The following SNTG1 variants were observed in gnomAD, a reference collection of about 807,000 sequenced individuals.
The protein encoded by SNTG1 is syntrophin gamma 1.
Under a neutral mutation model 74.7 loss-of-function variants are expected in SNTG1, and 39 were observed. The observed-to-expected ratio is 0.52, with a 90% CI of 0.40 to 0.68. The LOEUF (loss-of-function observed/expected upper bound fraction) is 0.68. SNTG1 is among the 30% of genes least tolerant of loss of function. The pLI is 0.00. For synonymous variants in SNTG1, 254 were observed against 217.1 expected, an observed-to-expected ratio of 1.17 and a Z score of -1.49; for missense variants, 685 against 609.5, an observed-to-expected ratio of 1.12 and a Z score of -1.30.
At chr8:50,340,133 T>C (rs570605556) in intron 2 of SNTG1, among the ~76,000 whole-genome samples, 25 of 152,150 alleles carry the variant, frequency 1.6e-4, no homozygotes, top group Admixed American at 9.2e-4. Context: ...ATTGTTAAGA[T>C]GTTGATTTTT....
At chr8:50,788,845 C>T (rs145473414) in intron 18 of SNTG1, among the ~76,000 whole-genome samples, 26 of 152,050 alleles carry the variant, frequency 1.7e-4, no homozygotes, top group African/African-American at 5.5e-4. Context: ...GCCTCATCTC[C>T]TGCGGCCTCA....
chr8:50,578,412 G>A (rs2094588891), intron 12 of SNTG1, among the ~76,000 whole-genome samples: 1 of 53,240 alleles, frequency 1.9e-5, no homozygotes, highest in African/African-American at 9.0e-5. Context: ...AAAGTGAGAG[G>A]ATGAGAGAGA....
At chr8:49,967,041 G>A (rs1478395709) in intron 1 of SNTG1, among the ~76,000 whole-genome samples, 1 of 152,010 alleles carries the variant, frequency 6.6e-6, no homozygotes, top group African/African-American at 2.4e-5. Context: ...CACTCTATTA[G>A]AAAAAATGCC....
rs1230245562 is a variant in SNTG1 at position 50,506,562 on chromosome 8, G to C, written c.466+3682G>C. Among the ~76,000 whole-genome samples the C allele has an allele frequency of 2.6e-5, 4 of 151,702 alleles. 1 individual carries two copies. The highest frequency in any genetic ancestry group is 9.7e-5 in the African/African-American group (4 of 41,370). ...TTCAGTGTAAAGTCTTTAAAATTTT[G>C]GGTGAGATTATTCCTAATTATTCTT... On this transcript the variant is annotated intron_variant, in intron 9 of 18. Coordinates refer to ENST00000642720, the MANE Select transcript of SNTG1 (RefSeq NM_018967.5).
intron 1 of SNTG1, among the ~76,000 whole-genome samples, chr8:49,969,417 A>C: frequency 1.1e-5 from 1 of 90,608 alleles, no homozygotes; most frequent in South Asian, 3.7e-4. Flanking sequence ...TTTTTTTTGA[A>C]ATGGACTCTC....
At chr8:50,446,046 G>A (rs76688981) in intron 5 of SNTG1, among the ~76,000 whole-genome samples, 1 of 152,136 alleles carries the variant, frequency 6.6e-6, no homozygotes, top group Non-Finnish European at 1.5e-5. Context: ...TCAGGTTCAG[G>A]GCGATGGAGG....
chr8:50,160,200 CTA>C (rs1406333978), intron 1 of SNTG1, among the ~76,000 whole-genome samples: 3 of 152,112 alleles, frequency 2.0e-5, no homozygotes, highest in African/African-American at 7.2e-5. Flanking sequence ...GTTGGAAGAA[CTA>C]TTTCTAGATA....
intron 13 of SNTG1, among the ~76,000 whole-genome samples, chr8:50,645,713 G>C (rs1330178340): frequency 6.6e-6 from 1 of 152,094 alleles, no homozygotes; most frequent in African/African-American, 2.4e-5. Flanking sequence ...GAACACTTAG[G>C]CTGCAACCTT....
intron 17 of SNTG1, among the ~76,000 whole-genome samples, chr8:50,719,176 T>C (rs1217351797): frequency 6.6e-6 from 1 of 152,214 alleles, no homozygotes; most frequent in Non-Finnish European, 1.5e-5. Context: ...TTTGCCATGA[T>C]TTGAATGAAT....
chr8:50,443,913 C>T (rs1321076227), intron 5 of SNTG1, among the ~76,000 whole-genome samples: 1 of 151,980 alleles, frequency 6.6e-6, no homozygotes. Context: ...GCAGGCGGAT[C>T]ATTTGAGGTC....
chr8:50,275,238 TAATA>T (rs2088025487), intron 2 of SNTG1, among the ~76,000 whole-genome samples: 2 of 152,212 alleles, frequency 1.3e-5, no homozygotes, highest in Admixed American at 6.5e-5. Context: ...ATCAACACTC[TAATA>T]GTGTTTGTCT....
At chr8:50,305,863 C>T (rs909517733) in intron 2 of SNTG1, among the ~76,000 whole-genome samples, 1 of 150,686 alleles carries the variant, frequency 6.6e-6, no homozygotes, top group Non-Finnish European at 1.5e-5. Flanking sequence ...CAATCACCAA[C>T]ATTGCCAAAA....
At chr8:50,071,845 C>CTT (rs1190371562) in intron 1 of SNTG1, among the ~76,000 whole-genome samples, 1 of 150,000 alleles carries the variant, frequency 6.7e-6, no homozygotes, top group Non-Finnish European at 1.5e-5. Context: ...ATTAATTATG[C>CTT]AACAATAAAA....
chr8:49,916,737 G>A (rs1314239552), intron 1 of SNTG1, among the ~76,000 whole-genome samples: 6 of 152,020 alleles, frequency 3.9e-5, no homozygotes, highest in African/African-American at 4.8e-5. Flanking sequence ...CAAGTACAGT[G>A]GCTCATGCCT....
intron 13 of SNTG1, among the ~76,000 whole-genome samples, chr8:50,647,398 A>T (rs1197750574): frequency 1.3e-5 from 2 of 152,002 alleles, no homozygotes; most frequent in East Asian, 3.9e-4. Context: ...AACAGGCAAA[A>T]TACCTGAACA....
At chr8:50,482,762 G>T (rs2093751936) in intron 8 of SNTG1, among the ~76,000 whole-genome samples, 1 of 152,116 alleles carries the variant, frequency 6.6e-6, no homozygotes, top group Admixed American at 6.6e-5. Context: ...TAATACTTTG[G>T]CTCCAAACTA....
At chr8:50,375,135 A>T (rs879022389) in intron 2 of SNTG1, among the ~76,000 whole-genome samples, 7 of 152,310 alleles carry the variant, frequency 4.6e-5, no homozygotes, top group Middle Eastern at 3.4e-3. Context: ...GCAGGGCAAA[A>T]TAGTGTGTTT....
At position 50,596,887 on chromosome 8, in the gene SNTG1, C is replaced by G. The variant is rs187571822; in HGVS notation, c.849+5970C>G. Among the ~76,000 whole-genome samples, 647 of 152,084 alleles carry G rather than the reference C, an allele frequency of 4.3e-3. 9 individuals carry two copies. Among genetic ancestry groups the G allele is most frequent in the African/African-American group, 0.014 (586 of 41,546 alleles). On this transcript the variant is annotated intron_variant, in intron 13 of 18. Transcript: ENST00000642720. ...CAATCAGAGTAATTGCCAAATCCATCACTTTAAACATTTATCATTTATTTT... is the reference window on the plus strand; with the variant it reads ...CAATCAGAGTAATTGCCAAATCCATGACTTTAAACATTTATCATTTATTTT...
intron 17 of SNTG1, among the ~76,000 whole-genome samples, chr8:50,721,311 C>T (rs753653681): frequency 7.3e-4 from 111 of 152,178 alleles, no homozygotes; most frequent in Non-Finnish European, 1.4e-3. Context: ...TTAGGGCAAG[C>T]TTTGTTTCCT....
Sources: gnomAD v4.1 joint callset for allele counts (sites outside exome capture counted in the v4.1 genomes callset) on GRCh38, gnomAD v4.1.1 for gene constraint, MANE v1.5 for transcripts, NCBI Gene and HGNC (gene_info 2026-07-23, HGNC 2026-07-21) for gene names.